KCNC2: variants seen among roughly 807,000 people sequenced by gnomAD.
The protein encoded by KCNC2 is potassium voltage-gated channel subfamily C member 2.
KCNC2 carries 21 observed loss-of-function variants against 44.5 expected under a neutral mutation model. The ratio of observed to expected loss-of-function variants is 0.47; its 90% CI spans 0.33 to 0.68. KCNC2 has a LOEUF of 0.68. Ranked by LOEUF, KCNC2 falls within the 30% of genes least tolerant of loss-of-function variation. The probability of loss-of-function intolerance (pLI) is 0.01; values close to 1 mark genes in which losing one functional copy is unlikely to be tolerated. For missense variants in KCNC2, 589 were observed against 826.2 expected, an observed-to-expected ratio of 0.71 and a Z score of 3.52; for synonymous variants, 391 against 339.1, an observed-to-expected ratio of 1.15 and a Z score of -1.68.
At chr12:75,203,649 A>G (rs2137801770) in intron 2 of KCNC2, among the ~76,000 whole-genome samples, 1 of 151,870 alleles carries the variant, frequency 6.6e-6, no homozygotes, top group East Asian at 1.9e-4. Context: ...AAAAAACAGA[A>G]GATCTGCCAA....
At chr12:75,095,435 G>A (rs1446236914) in intron 2 of KCNC2, among the ~76,000 whole-genome samples, 2 of 151,658 alleles carry the variant, frequency 1.3e-5, no homozygotes, top group Non-Finnish European at 3.0e-5. Context: ...AAATTATGTT[G>A]CCTTCCCTGT....
chr12:75,134,371 T>C (rs1246944952), intron 2 of KCNC2, among the ~76,000 whole-genome samples: 1 of 152,000 alleles, frequency 6.6e-6, no homozygotes, highest in African/African-American at 2.4e-5. Context: ...AATACATATG[T>C]GCATGCTTCT....
chr12:75,093,408 C>T (rs1885656662), intron 2 of KCNC2, among the ~76,000 whole-genome samples: 1 of 151,526 alleles, frequency 6.6e-6, no homozygotes, highest in Non-Finnish European at 1.5e-5. Flanking sequence ...AGCTAGAGGT[C>T]CTGCAAACCT....
At chr12:75,167,838 T>G (rs941197463) in intron 2 of KCNC2, among the ~76,000 whole-genome samples, 3 of 151,458 alleles carry the variant, frequency 2.0e-5, no homozygotes, top group African/African-American at 7.3e-5. Flanking sequence ...CATGGTTGTA[T>G]GTATGCCAAT....
chr12:75,115,838 C>G (rs908765076), intron 2 of KCNC2, among the ~76,000 whole-genome samples: 94 of 152,086 alleles, frequency 6.2e-4, no homozygotes, highest in African/African-American at 2.2e-3. Flanking sequence ...GACACCCTCC[C>G]CCCAAAATAA....
At chr12:75,176,517 A>C (rs1274905213) in intron 2 of KCNC2, among the ~76,000 whole-genome samples, 1 of 151,894 alleles carries the variant, frequency 6.6e-6, no homozygotes, top group Non-Finnish European at 1.5e-5. Context: ...CCCTCTGCTC[A>C]CCCTGTACCA....
intron 2 of KCNC2, among the ~76,000 whole-genome samples, chr12:75,118,463 T>A (rs1000364791): frequency 6.6e-6 from 1 of 151,996 alleles, no homozygotes; most frequent in African/African-American, 2.4e-5. Context: ...GAGTGAAAAT[T>A]TCAACCTCAT....
intron 2 of KCNC2, among the ~76,000 whole-genome samples, chr12:75,072,258 C>T (rs1883494481): frequency 6.6e-6 from 1 of 152,024 alleles, no homozygotes; most frequent in South Asian, 2.1e-4. Context: ...CTAAAGTCGC[C>T]TTGACAGTTT....
intron 2 of KCNC2, among the ~76,000 whole-genome samples, chr12:75,074,258 C>G (rs1482809174): frequency 2.1e-5 from 2 of 96,108 alleles, no homozygotes; most frequent in African/African-American, 4.7e-5. Context: ...TTTTTTTTGG[C>G]CATTTGGGTA....
At chr12:75,050,324 C>T in intron 3 of KCNC2, 66 bp downstream of exon 3, 2 of 1,151,932 alleles carry the variant, frequency 1.7e-6, no homozygotes, top group Non-Finnish European at 1.3e-6. Context: ...GAATGACTGC[C>T]TTCTGCCTAA....
chr12:75,075,070 G>C (rs776107090), intron 2 of KCNC2, among the ~76,000 whole-genome samples: 1 of 152,072 alleles, frequency 6.6e-6, no homozygotes, highest in Admixed American at 6.5e-5. Flanking sequence ...TGTGAGTCTA[G>C]AAAAATTAGA....
chr12:75,167,149 GAAC>G (rs1296106870), intron 2 of KCNC2, among the ~76,000 whole-genome samples: 1 of 151,248 alleles, frequency 6.6e-6, no homozygotes, highest in Non-Finnish European at 1.5e-5. Context: ...AGAATACTAT[GAAC>G]AACTATATAC....
intron 2 of KCNC2, among the ~76,000 whole-genome samples, chr12:75,091,839 T>C (rs1266444913): frequency 6.6e-6 from 1 of 151,678 alleles, no homozygotes; most frequent in Non-Finnish European, 1.5e-5. Flanking sequence ...TGCTTTAAGA[T>C]ATAATATATG....
chr12:75,096,764 C>T (rs1321545054), intron 2 of KCNC2, among the ~76,000 whole-genome samples: 1 of 151,990 alleles, frequency 6.6e-6, no homozygotes, highest in African/African-American at 2.4e-5. Context: ...TTGAAACAAA[C>T]CCTGAAATTT....
chr12:75,113,387 T>A (rs991012989), intron 2 of KCNC2, among the ~76,000 whole-genome samples: 1 of 152,200 alleles, frequency 6.6e-6, no homozygotes, highest in African/African-American at 2.4e-5. Flanking sequence ...CATTTAAATA[T>A]GTAGTTTCTG....
At chr12:75,187,524 T>C (rs1232148337) in intron 2 of KCNC2, among the ~76,000 whole-genome samples, 2 of 152,192 alleles carry the variant, frequency 1.3e-5, no homozygotes, top group Non-Finnish European at 2.9e-5. Flanking sequence ...TACTGAATTA[T>C]GCGGAGCTTA....
At chr12:75,069,151 T>TTTTTTTTTTGAAG (rs869250638) in intron 2 of KCNC2, among the ~76,000 whole-genome samples, 1 of 142,670 alleles carries the variant, frequency 7.0e-6, no homozygotes, top group African/African-American at 2.6e-5. Context: ...TTTTTTTTTT[T>TTTTTTTTTTGAAG]GAGACGGAAT....
intron 2 of KCNC2, among the ~76,000 whole-genome samples, chr12:75,163,348 T>A (rs765228381): frequency 6.6e-6 from 1 of 151,798 alleles, no homozygotes; most frequent in Non-Finnish European, 1.5e-5. Context: ...GGTATTATTG[T>A]GGAATCATTA....
At chr12:75,169,098 C>G (rs933080676) in intron 2 of KCNC2, among the ~76,000 whole-genome samples, 2 of 151,568 alleles carry the variant, frequency 1.3e-5, no homozygotes, top group African/African-American at 2.4e-5. Flanking sequence ...TTACAGGGAG[C>G]CTTCTTTTCT....
Sources: allele counts gnomAD v4.1 joint callset (sites outside exome capture counted in the v4.1 genomes callset), GRCh38; gene constraint gnomAD v4.1.1; transcripts MANE v1.5; gene names NCBI Gene and HGNC (gene_info 2026-07-23, HGNC 2026-07-21).